FOXN3: variants seen among roughly 807,000 people sequenced by gnomAD.
FOXN3 encodes forkhead box N3.
FOXN3 carries 7 observed loss-of-function variants against 38.4 expected under a neutral mutation model. The ratio of observed to expected loss-of-function variants is 0.18; its 90% CI spans 0.10 to 0.34. FOXN3 has a LOEUF of 0.34. Ranked by LOEUF, FOXN3 falls within the 10% of genes least tolerant of loss-of-function variation. FOXN3 has a pLI of 1.00. For synonymous variants in FOXN3, 230 were observed against 242.2 expected (o/e 0.95, Z 0.47); for missense variants, 456 against 613.4 (o/e 0.74, Z 2.71).
intron 3 of FOXN3, among the ~76,000 whole-genome samples, chr14:89,323,746 C>T (rs200154849): frequency 1.0e-4 from 8 of 76,320 alleles, no homozygotes; most frequent in South Asian, 4.8e-4. Flanking sequence ...AAACAAAAAA[C>T]GGAGAGGACC....
In FOXN3 at chr14:89,389,922, C is replaced by CA. The variant is rs903352834; in HGVS notation, c.543+22011dup. ...AATCCTTGTTTTTCACTTTTATAAA[C>CA]AAAAAAAAAAATTCTGGCCAGGCAC... On this transcript the variant is annotated intron_variant, in intron 2 of 5. Transcript: ENST00000557258. Among the ~76,000 whole-genome samples, 793 of 146,144 alleles carry CA rather than the reference C, an allele frequency of 5.4e-3. 5 individuals carry two copies. The highest frequency in any genetic ancestry group is 0.016 in the African/African-American group (633 of 40,056).
At chr14:89,308,083 G>C (rs1887429553) in intron 3 of FOXN3, among the ~76,000 whole-genome samples, 1 of 152,152 alleles carries the variant, frequency 6.6e-6, no homozygotes, top group Non-Finnish European at 1.5e-5. Flanking sequence ...TGGGCAACAT[G>C]GTGAAACCCT....
At chr14:89,303,917 A>C (rs1469577138) in intron 3 of FOXN3, among the ~76,000 whole-genome samples, 1 of 152,208 alleles carries the variant, frequency 6.6e-6, no homozygotes, top group Non-Finnish European at 1.5e-5. Context: ...GATGGGGGAC[A>C]AGACGCCTTG....
intron 4 of FOXN3, among the ~76,000 whole-genome samples, chr14:89,205,014 A>C (rs1309894471): frequency 4.6e-5 from 7 of 152,202 alleles, no homozygotes; most frequent in African/African-American, 1.4e-4. Flanking sequence ...CTGGTGAGCG[A>C]ATGGGAAATG....
chr14:89,613,785 C>T (rs549391925), intron 1 of FOXN3, among the ~76,000 whole-genome samples: 3 of 152,340 alleles, frequency 2.0e-5, no homozygotes, highest in Admixed American at 1.3e-4. Context: ...CTTCTATAGA[C>T]TCCTCAACTG....
chr14:89,430,102 A>G (rs1219640945), intron 1 of FOXN3, among the ~76,000 whole-genome samples: 2 of 152,208 alleles, frequency 1.3e-5, no homozygotes, highest in African/African-American at 4.8e-5. Flanking sequence ...GCAGCAAATT[A>G]TATTCTCTAG....
chr14:89,238,851 G>A (rs570105976), intron 4 of FOXN3, among the ~76,000 whole-genome samples: 8 of 151,658 alleles, frequency 5.3e-5, no homozygotes, highest in Non-Finnish European at 1.0e-4. Context: ...TTTCTAAATG[G>A]TTTTGGGGTA....
At chr14:89,269,993 C>T (rs989286250) in intron 4 of FOXN3, among the ~76,000 whole-genome samples, 3 of 152,312 alleles carry the variant, frequency 2.0e-5, no homozygotes, top group Admixed American at 1.3e-4. Flanking sequence ...GAAAACCCTC[C>T]ATGTCACAGT....
intron 1 of FOXN3, among the ~76,000 whole-genome samples, chr14:89,485,176 G>T (rs1490485373): frequency 1.3e-5 from 2 of 149,186 alleles, no homozygotes; most frequent in African/African-American, 4.9e-5. Context: ...ACCCAGGGCA[G>T]TGAAAGCCAC....
intron 1 of FOXN3, among the ~76,000 whole-genome samples, chr14:89,597,310 A>ATATACTCTATGATTTCCATCC (rs1207084744): frequency 6.6e-6 from 1 of 152,120 alleles, no homozygotes; most frequent in Non-Finnish European, 1.5e-5. Flanking sequence ...TAGTTGGAAA[A>ATATACTCTATGATTTCCATCC]TATACTCTAT....
intron 2 of FOXN3, 25 bp from the exon 3 acceptor site, chr14:89,350,833 G>C (rs1157023024): frequency 6.7e-7 from 1 of 1,496,724 alleles, no homozygotes; most frequent in Non-Finnish European, 8.9e-7. Context: ...AAAATACAAA[G>C]GCATTAATAG....
intron 3 of FOXN3, among the ~76,000 whole-genome samples, chr14:89,305,616 C>A (rs1887347024): frequency 6.6e-6 from 1 of 152,158 alleles, no homozygotes; most frequent in South Asian, 2.1e-4. Flanking sequence ...CCCCTAATAC[C>A]ACGATTAGCT....
chr14:89,273,572 C>A (rs1286955036), intron 4 of FOXN3, among the ~76,000 whole-genome samples: 1 of 152,220 alleles, frequency 6.6e-6, no homozygotes, highest in African/African-American at 2.4e-5. Context: ...AAATTTGGAA[C>A]CTCAAGAGAT....
intron 1 of FOXN3, among the ~76,000 whole-genome samples, chr14:89,585,038 A>AT (rs369683042): frequency 1.3e-5 from 2 of 152,118 alleles, no homozygotes; most frequent in African/African-American, 4.8e-5. Flanking sequence ...CAAATTGTCC[A>AT]TTTTTTATTG....
At chr14:89,601,135 T>C (rs551833181) in intron 1 of FOXN3, among the ~76,000 whole-genome samples, 1 of 152,216 alleles carries the variant, frequency 6.6e-6, no homozygotes, top group African/African-American at 2.4e-5. Context: ...AAAATAGCGT[T>C]GATGCCTAAT....
chr14:89,366,513 A>C (rs1306932956), intron 2 of FOXN3, among the ~76,000 whole-genome samples: 1 of 152,248 alleles, frequency 6.6e-6, no homozygotes, highest in Non-Finnish European at 1.5e-5. Context: ...TTTTAAAAAA[A>C]AGTTTGAAAG....
At chr14:89,300,160 A>T (rs901178486) in intron 3 of FOXN3, among the ~76,000 whole-genome samples, 4 of 151,758 alleles carry the variant, frequency 2.6e-5, no homozygotes, top group Non-Finnish European at 5.9e-5. Flanking sequence ...TCAGGATTTC[A>T]AGCGAGATCA....
At chr14:89,448,338 C>T (rs985777442) in intron 1 of FOXN3, among the ~76,000 whole-genome samples, 4 of 152,188 alleles carry the variant, frequency 2.6e-5, no homozygotes, top group South Asian at 4.1e-4. Flanking sequence ...CTCTATAGAT[C>T]CTGAAGCTTA....
intron 1 of FOXN3, among the ~76,000 whole-genome samples, chr14:89,534,119 T>G (rs1262100652): frequency 7.8e-6 from 1 of 128,968 alleles, no homozygotes. Flanking sequence ...TTTTTTTTTT[T>G]TTTTGAGACA....
Sources: gnomAD v4.1 joint callset for allele counts (sites outside exome capture counted in the v4.1 genomes callset) on GRCh38, gnomAD v4.1.1 for gene constraint, MANE v1.5 for transcripts, NCBI Gene and HGNC (gene_info 2026-07-23, HGNC 2026-07-21) for gene names.